Variants in SYTL3 observed in about 807,000 individuals in gnomAD.
SYTL3 encodes synaptotagmin like 3.
A neutral mutation model predicts 82.1 loss-of-function variants in SYTL3; 88 were observed. The observed-to-expected ratio is 1.07, with a 90% CI of 0.90 to 1.28. The LOEUF is 1.28. Ranked by LOEUF, SYTL3 falls within the 50% of genes most tolerant of loss-of-function variation. SYTL3 has a pLI of 0.00. For missense variants in SYTL3, 831 were observed against 757.6 expected (o/e 1.10, Z -1.14); for synonymous variants, 311 against 289.4 (o/e 1.07, Z -0.76).
intron 5 of SYTL3, among the ~76,000 whole-genome samples, chr6:158,670,775 CAAAAAAAA>C (rs1777280630): frequency 6.7e-6 from 1 of 148,562 alleles, no homozygotes; most frequent in Non-Finnish European, 1.5e-5. Flanking sequence ...GACTCAATCT[CAAAAAAAA>C]GAAAAAAAAG....
At chr6:158,692,828 G>T (rs912281739) in intron 6 of SYTL3, among the ~76,000 whole-genome samples, 2 of 151,850 alleles carry the variant, frequency 1.3e-5, no homozygotes, top group African/African-American at 2.4e-5. Context: ...GTGGGCGCCT[G>T]TGGTCCCAGC....
chr6:158,686,733 G>A (rs1779340432), intron 6 of SYTL3, among the ~76,000 whole-genome samples: 1 of 152,202 alleles, frequency 6.6e-6, no homozygotes, highest in South Asian at 2.1e-4. Context: ...TTTAGGGATT[G>A]GTTAGACAGG....
chr6:158,714,884 C>T (rs1192610226), intron 9 of SYTL3, among the ~76,000 whole-genome samples: 5 of 152,182 alleles, frequency 3.3e-5, no homozygotes, highest in Non-Finnish European at 7.3e-5. Context: ...AGCTGTCACA[C>T]GATGACAATG....
intron 14 of SYTL3, among the ~76,000 whole-genome samples, chr6:158,757,841 GA>G (rs1789344520): frequency 6.6e-6 from 1 of 152,222 alleles, no homozygotes; most frequent in African/African-American, 2.4e-5. Flanking sequence ...CAAATGGCTG[GA>G]CCCGATGCTG....
At chr6:158,749,876 G>C (rs955299513) in intron 12 of SYTL3, among the ~76,000 whole-genome samples, 4 of 152,312 alleles carry the variant, frequency 2.6e-5, no homozygotes, top group Non-Finnish European at 4.4e-5. Flanking sequence ...CTGTTAAAGA[G>C]ATTGAATTGG....
intron 11 of SYTL3, among the ~76,000 whole-genome samples, chr6:158,731,480 G>T (rs373600346): frequency 6.6e-6 from 1 of 151,780 alleles, no homozygotes; most frequent in East Asian, 1.9e-4. Flanking sequence ...AAAAAGGATG[G>T]ACACATCATA....
intron 11 of SYTL3, among the ~76,000 whole-genome samples, chr6:158,737,401 C>G (rs1365842143): frequency 2.6e-5 from 4 of 152,204 alleles, no homozygotes; most frequent in Non-Finnish European, 4.4e-5. Flanking sequence ...TTTAATTTAG[C>G]TGTGGCTTCA....
chr6:158,673,904 T>G (rs1366758077), intron 5 of SYTL3, among the ~76,000 whole-genome samples: 1 of 150,524 alleles, frequency 6.6e-6, no homozygotes, highest in Non-Finnish European at 1.5e-5. Flanking sequence ...GCCAACATGG[T>G]GAAACCCTGT....
At position 158,737,403 on chromosome 6, in the gene SYTL3, G is replaced by A. The variant is rs1335281339; in HGVS notation, c.856-8077G>A. On this transcript the variant is annotated intron_variant, in intron 11 of 17. Coordinates refer to ENST00000611299, the MANE Select transcript of SYTL3 (RefSeq NM_001242394.2). ...AGGATTTATTATTTTTAATTTAGCT[G>A]TGGCTTCAGTTGACTCTGAGTTTTC... is the stretch of plus-strand genomic sequence containing the variant. 3.9e-5 allele frequency among the ~76,000 whole-genome samples: 6 copies of A among 152,204 alleles called. No individual in the cohort carries two copies. The South Asian group carries it at 8.3e-4, about 21-fold the overall frequency.
chr6:158,710,450 A>G (rs1782629251), intron 8 of SYTL3, among the ~76,000 whole-genome samples: 1 of 152,192 alleles, frequency 6.6e-6, no homozygotes, highest in African/African-American at 2.4e-5. Context: ...GGAAATATCA[A>G]CATCTTTATG....
intron 5 of SYTL3, among the ~76,000 whole-genome samples, chr6:158,674,068 A>G (rs1042639989): frequency 2.7e-5 from 4 of 145,928 alleles, no homozygotes; most frequent in African/African-American, 7.7e-5. Context: ...TGGGCAACAT[A>G]GTGAGACTGT....
chr6:158,667,992 A>G (rs561322498), intron 5 of SYTL3, among the ~76,000 whole-genome samples: 6 of 152,326 alleles, frequency 3.9e-5, no homozygotes, highest in African/African-American at 1.4e-4. Context: ...TGGTTGGAAT[A>G]GTCTTTTAAT....
At position 158,764,733 on chromosome 6, in the gene SYTL3, T is replaced by C. The variant is rs756747253; in HGVS notation, c.*129T>C. ...CTTGAGCAGTCTCCATCTGCGGCCC[T>C]GTCCCATGGCTTAACCGCCTATTGG... On this transcript the variant is annotated 3_prime_UTR_variant, in exon 18 of 18. Transcript: ENST00000611299. 3 of 642,430 alleles carry C rather than the reference T, an allele frequency of 4.7e-6. No individual in the cohort carries two copies. The highest frequency in any genetic ancestry group is 3.7e-5 in the South Asian group (2 of 53,368). 39.8% of individuals were successfully genotyped at this position (642,430 alleles called of 1,614,324 possible). A position where few individuals can be genotyped will look rare whatever the true frequency, so the allele number is the denominator to read the frequency against.
At chr6:158,682,065 G>C (rs543972435) in intron 5 of SYTL3, among the ~76,000 whole-genome samples, 11 of 151,966 alleles carry the variant, frequency 7.2e-5, no homozygotes, top group Non-Finnish European at 1.3e-4. Flanking sequence ...TCAGCCTCCC[G>C]AGTAGCTGGG....
chr6:158,715,624 C>T (rs540149686), intron 9 of SYTL3, among the ~76,000 whole-genome samples: 1 of 129,910 alleles, frequency 7.7e-6, no homozygotes, highest in South Asian at 2.9e-4. Context: ...CACGCACGCA[C>T]CCAGCACCCC....
intron 5 of SYTL3, among the ~76,000 whole-genome samples, chr6:158,666,892 G>A (rs780097992): frequency 6.6e-6 from 1 of 152,190 alleles, no homozygotes; most frequent in Non-Finnish European, 1.5e-5. Context: ...CGCTCACAGC[G>A]TGCCAAGTCG....
intron 5 of SYTL3, among the ~76,000 whole-genome samples, chr6:158,673,598 C>T (rs996672702): frequency 5.9e-5 from 9 of 151,690 alleles, no homozygotes; most frequent in African/African-American, 1.9e-4. Flanking sequence ...GGCCACCATG[C>T]CCCCCTAATT....
intron 6 of SYTL3, among the ~76,000 whole-genome samples, chr6:158,704,354 C>T (rs1781713192): frequency 1.3e-5 from 2 of 152,222 alleles, no homozygotes; most frequent in African/African-American, 4.8e-5. Context: ...CGCCTGTGCC[C>T]CGCGTCGCTG....
intron 8 of SYTL3, among the ~76,000 whole-genome samples, chr6:158,710,053 A>G (rs988988084): frequency 1.3e-5 from 2 of 152,216 alleles, no homozygotes; most frequent in African/African-American, 4.8e-5. Context: ...AACTAAAAAC[A>G]AAAACCATGA....
Sources: gnomAD v4.1 joint callset for allele counts (sites outside exome capture counted in the v4.1 genomes callset) on GRCh38, gnomAD v4.1.1 for gene constraint, MANE v1.5 for transcripts, NCBI Gene and HGNC (gene_info 2026-07-23, HGNC 2026-07-21) for gene names.